Variants in SH3BP4 observed in about 807,000 individuals in gnomAD.
SH3BP4 encodes SH3 domain binding protein 4, also known as SH3 domain-binding protein 4.
In SH3BP4, 33 loss-of-function variants were observed where a neutral mutation model predicts 65.5. The ratio of observed to expected loss-of-function variants is 0.50; its 90% CI spans 0.38 to 0.67. The LOEUF (loss-of-function observed/expected upper bound fraction) is 0.67. Ranked by LOEUF, SH3BP4 falls within the 30% of genes least tolerant of loss-of-function variation. SH3BP4 has a pLI of 0.00. For missense variants in SH3BP4, 1,134 were observed against 1,261.4 expected, an observed-to-expected ratio of 0.90 and a Z score of 1.53; for synonymous variants, 552 against 545.5, an observed-to-expected ratio of 1.01 and a Z score of -0.17.
chr2:234,955,080 A>C (rs550239342), intron 1 of SH3BP4, among the ~76,000 whole-genome samples: 2 of 152,298 alleles, frequency 1.3e-5, no homozygotes, highest in South Asian at 4.1e-4. Context: ...TTCTTCTGCA[A>C]ATTGGACTCA....
chr2:235,032,257 C>T (rs1363024539), intron 2 of SH3BP4, among the ~76,000 whole-genome samples: 1 of 152,204 alleles, frequency 6.6e-6, no homozygotes. Context: ...ACAGCTGACA[C>T]CCCCTGATTT....
At chr2:235,044,754 G>A (rs1202319048) in intron 4 of SH3BP4, among the ~76,000 whole-genome samples, 6 of 152,222 alleles carry the variant, frequency 3.9e-5, no homozygotes, top group African/African-American at 9.6e-5. Context: ...GCACATACCC[G>A]GCTCGGCTGC....
chr2:234,986,642 C>T (rs1021483611), intron 1 of SH3BP4, among the ~76,000 whole-genome samples: 1 of 152,016 alleles, frequency 6.6e-6, no homozygotes, highest in Non-Finnish European at 1.5e-5. Context: ...CTTTTCACTT[C>T]CTGATCTCGG....
At chr2:235,014,780 G>T (rs1431123065) in intron 2 of SH3BP4, among the ~76,000 whole-genome samples, 2 of 152,054 alleles carry the variant, frequency 1.3e-5, no homozygotes, top group Non-Finnish European at 2.9e-5. Flanking sequence ...TTGGATTAGG[G>T]CCCCCCAGTC....
chr2:234,998,689 C>T (rs1472110176), intron 2 of SH3BP4, among the ~76,000 whole-genome samples: 1 of 152,238 alleles, frequency 6.6e-6, no homozygotes, highest in African/African-American at 2.4e-5. Context: ...TGGAAGAGCA[C>T]CCTGTACTCA....
In SH3BP4 at chr2:235,045,201, G is replaced by A. The variant is rs565001765; in HGVS notation, c.2478+1954G>A. ...TGAGAGCCTCTGTGCGGGCGGCCCC[G>A]AGACCACAGCCGTGGCTGTGCATGC... On this transcript the variant is annotated intron_variant, in intron 4 of 5. Transcript: ENST00000392011. This position sits in a 1 kb window ranked among gnomAD's most constrained non-coding sequence, Gnocchi z 4.3. Among the ~76,000 whole-genome samples the A allele has an allele frequency of 9.2e-5, 14 of 152,264 alleles. No individual in the cohort carries two copies. The East Asian group carries it at 2.1e-3, about 23-fold the overall frequency.
At chr2:234,962,237 A>G (rs1460423969) in intron 1 of SH3BP4, among the ~76,000 whole-genome samples, 1 of 151,968 alleles carries the variant, frequency 6.6e-6, no homozygotes, top group Non-Finnish European at 1.5e-5. Flanking sequence ...CCCAGGTTCA[A>G]GTGATTCTTG....
intron 2 of SH3BP4, among the ~76,000 whole-genome samples, chr2:235,019,143 C>T (rs1487396620): frequency 6.6e-6 from 1 of 152,144 alleles, no homozygotes; most frequent in African/African-American, 2.4e-5. Context: ...CTGAATGCAG[C>T]GAGATGCCCT....
At chr2:235,053,285 A>G (rs1295491682) in intron 5 of SH3BP4, among the ~76,000 whole-genome samples, 3 of 152,226 alleles carry the variant, frequency 2.0e-5, no homozygotes, top group African/African-American at 7.2e-5. Context: ...TATGAATGGG[A>G]TGAATTTCCA....
chr2:234,986,585 T>A (rs1693566975), intron 1 of SH3BP4, among the ~76,000 whole-genome samples: 1 of 152,168 alleles, frequency 6.6e-6, no homozygotes, highest in Admixed American at 6.5e-5. Flanking sequence ...TTTGTGTTTG[T>A]CGTTACTCTG....
chr2:235,004,468 C>T (rs1251964642), intron 2 of SH3BP4, among the ~76,000 whole-genome samples: 1 of 152,234 alleles, frequency 6.6e-6, no homozygotes, highest in Admixed American at 6.5e-5. Context: ...ACCACCACCT[C>T]TTATCACATC....
chr2:235,036,790 T>C (rs1695400100), intron 3 of SH3BP4, among the ~76,000 whole-genome samples: 1 of 146,202 alleles, frequency 6.8e-6, no homozygotes, highest in African/African-American at 2.7e-5. Flanking sequence ...TTGGCTGTTA[T>C]CCCTAAAAGA....
intron 1 of SH3BP4, among the ~76,000 whole-genome samples, chr2:234,965,700 T>C (rs1257393465): frequency 5.3e-5 from 8 of 152,186 alleles, no homozygotes; most frequent in African/African-American, 1.9e-4. Context: ...GGGGGTTTTT[T>C]TCATGCTCAA....
chr2:234,998,496 G>A (rs373118100), intron 2 of SH3BP4, among the ~76,000 whole-genome samples: 5 of 152,358 alleles, frequency 3.3e-5, no homozygotes, highest in African/African-American at 7.2e-5. Flanking sequence ...CAGGGGTCAC[G>A]TCAGACTGAG....
chr2:235,030,503 A>T lies in SH3BP4; in HGVS notation c.-132-4368A>T, dbSNP rs964697974. Among the ~76,000 whole-genome samples, 1 of 152,162 alleles carries T rather than the reference A, an allele frequency of 6.6e-6. No individual in the cohort carries two copies. The highest frequency in any genetic ancestry group is 2.4e-5 in the African/African-American group (1 of 41,438). ...GCAGCCTGTGCTGTAAGGGGAGGAC[A>T]CATAACCGTCAGCGTCCACGTCTGT... On this transcript the variant is annotated intron_variant, in intron 2 of 5. Transcript: ENST00000392011. This position sits in a 1 kb window ranked among gnomAD's most constrained non-coding sequence, Gnocchi z 4.1.
chr2:234,967,434 G>T lies in SH3BP4; in HGVS notation c.-207+15264G>T, dbSNP rs572015364. On this transcript the variant is annotated intron_variant, in intron 1 of 5. Transcript: ENST00000392011. The surrounding 1 kb of genome is among the most constrained non-coding windows in gnomAD (Gnocchi z 4.6). ...GAGGGGAAGGCCCTAACACCAAGAG[G>T]GTGTGGAGCTGCGGTCTCACCACTA... is the stretch of plus-strand genomic sequence containing the variant. Among the ~76,000 whole-genome samples the T allele has an allele frequency of 1.3e-5, 2 of 152,160 alleles. No individual in the cohort carries two copies. The highest frequency in any genetic ancestry group is 4.1e-4 in the South Asian group (2 of 4,820).
intron 5 of SH3BP4, 123 bp from the exon 6 acceptor site, chr2:235,053,469 G>T (rs891406699): frequency 1.4e-5 from 10 of 710,472 alleles, no homozygotes; most frequent in Non-Finnish European, 2.4e-5. Context: ...TGTCTCACTC[G>T]TGAAAGAGTG....
chr2:235,047,318 G>A (rs1442504640), intron 4 of SH3BP4, among the ~76,000 whole-genome samples: 2 of 152,220 alleles, frequency 1.3e-5, no homozygotes, highest in African/African-American at 4.8e-5. Flanking sequence ...GGTGGCAGTG[G>A]CATGATTCAA....
At chr2:234,962,994 A>G (rs1395757257) in intron 1 of SH3BP4, among the ~76,000 whole-genome samples, 2 of 151,836 alleles carry the variant, frequency 1.3e-5, no homozygotes, top group Non-Finnish European at 2.9e-5. Context: ...AAGCGATCCA[A>G]CTGCCTCAGC....
Sources: gnomAD v4.1 joint callset for allele counts (sites outside exome capture counted in the v4.1 genomes callset) on GRCh38, gnomAD v4.1.1 for gene constraint, Gnocchi (gnomAD v3.1) non-coding constraint, MANE v1.5 for transcripts, NCBI Gene and HGNC (gene_info 2026-07-23, HGNC 2026-07-21) for gene names.